CD244: variants seen among roughly 807,000 people sequenced by gnomAD.
CD244 encodes natural killer cell receptor 2B4.
A neutral mutation model predicts 45.5 loss-of-function variants in CD244; 20 were observed. The ratio of observed to expected loss-of-function variants is 0.44; its 90% CI spans 0.31 to 0.64. CD244 has a LOEUF of 0.64. CD244 is among the 30% of genes least tolerant of loss of function. The pLI is 0.08. For synonymous variants in CD244, 185 were observed against 160.5 expected (o/e 1.15, Z -1.15); for missense variants, 407 against 426.9 (o/e 0.95, Z 0.41).
intron 4 of CD244, 159 bp from the exon 5 acceptor site, chr1:160,838,677 G>A: frequency 1.5e-6 from 1 of 647,218 alleles, no homozygotes. Flanking sequence ...AGAGCACAGA[G>A]GCAGCAACCG....
At chr1:160,832,452 C>A (rs958265795) in intron 8 of CD244, 67 bp downstream of exon 8, 13 of 955,854 alleles carry the variant, frequency 1.4e-5, no homozygotes, top group Non-Finnish European at 2.1e-5. Context: ...TAAGTGTACC[C>A]TTTCATGGCT....
intron 1 of CD244, among the ~76,000 whole-genome samples, chr1:160,856,091 C>A: frequency 6.6e-6 from 1 of 152,194 alleles, no homozygotes; most frequent in East Asian, 1.9e-4. Context: ...TGCTACCAGG[C>A]TTGGGGTGAA....
At chr1:160,858,217 T>G (rs564146871) in intron 1 of CD244, among the ~76,000 whole-genome samples, 2 of 152,176 alleles carry the variant, frequency 1.3e-5, no homozygotes, top group East Asian at 3.9e-4. Flanking sequence ...CCATTCACCC[T>G]TTGTTGGAGG....
At chr1:160,847,760 GC>G (rs1669784730) in intron 1 of CD244, among the ~76,000 whole-genome samples, 1 of 151,996 alleles carries the variant, frequency 6.6e-6, no homozygotes, top group Non-Finnish European at 1.5e-5. Context: ...AGTCAATAAT[GC>G]AAGATTCAAT....
chr1:160,857,454 C>A (rs1670150978), intron 1 of CD244, among the ~76,000 whole-genome samples: 1 of 152,118 alleles, frequency 6.6e-6, no homozygotes, highest in South Asian at 2.1e-4. Flanking sequence ...TACTATACAG[C>A]CATGAAAATG....
Position 160,830,173 on chromosome 1 carries a change from T to C in CD244, c.*1174A>G, listed in dbSNP as rs1180241211. On this transcript the variant is annotated 3_prime_UTR_variant, in exon 9 of 9. Transcript: ENST00000368034. ...AAATGCAGGGTATGGAGAGGATACA[T>C]AAATTTAATTCAGGCAAGGAATTCA... 1 of 152,336 alleles carries C rather than the reference T, an allele frequency of 6.6e-6. No individual in the cohort carries two copies. The highest frequency in any genetic ancestry group is 2.4e-5 in the African/African-American group (1 of 41,432). The allele number at this position is 152,336 out of a possible 1,614,324, so 9.4% of individuals were successfully genotyped here.
chr1:160,848,342 T>A (rs1468608291), intron 1 of CD244: 2 of 591,220 alleles, frequency 3.4e-6, no homozygotes, highest in Non-Finnish European at 6.5e-6. Flanking sequence ...TAGTTCCCAG[T>A]TTTTCATCTA....
At chr1:160,855,573 TGCTACTAC>T (rs1670075584) in intron 1 of CD244, among the ~76,000 whole-genome samples, 1 of 152,150 alleles carries the variant, frequency 6.6e-6, no homozygotes, top group Non-Finnish European at 1.5e-5. Flanking sequence ...GGAGATGAAA[TGCTACTAC>T]GAAAACATAA....
At chr1:160,838,868 C>T (rs1325761998) in intron 4 of CD244, 71 bp downstream of exon 4, 2 of 1,014,526 alleles carry the variant, frequency 2.0e-6, no homozygotes, top group African/African-American at 1.6e-5. Context: ...ACACATCCCA[C>T]TGGACGCAGG....
At position 160,860,965 on chromosome 1, in the gene CD244, G is replaced by A. The variant is rs376300514; in HGVS notation, c.61+1652C>T. On this transcript the variant is annotated intron_variant, in intron 1 of 8. Transcript: ENST00000368034. ...CACTCACCAGCTTCACCGTGCAAGG[G>A]CCGGCATAGCCAAGCCCAGCTATGG... Among the ~76,000 whole-genome samples the A allele has an allele frequency of 3.9e-5, 6 of 152,322 alleles. No homozygotes were observed. The East Asian group carries it at 7.7e-4, about 20-fold the overall frequency.
At chr1:160,854,665 G>A (rs185668423) in intron 1 of CD244, among the ~76,000 whole-genome samples, 106 of 151,978 alleles carry the variant, frequency 7.0e-4, no homozygotes, top group African/African-American at 2.5e-3. Flanking sequence ...AAGTTCTGGC[G>A]TGAGCCACCA....
intron 1 of CD244, chr1:160,848,128 C>G: frequency 2.2e-6 from 1 of 444,554 alleles, no homozygotes; most frequent in South Asian, 1.8e-5. Flanking sequence ...GTGTTCTGAG[C>G]ACTAGAGAGA....
intron 1 of CD244, among the ~76,000 whole-genome samples, chr1:160,849,238 G>A (rs1242119193): frequency 6.6e-6 from 1 of 151,088 alleles, no homozygotes; most frequent in African/African-American, 2.4e-5. Flanking sequence ...TGGTTGGAGA[G>A]GTTTGTTCAA....
At position 160,862,747 on chromosome 1, in the gene CD244, A is replaced by G; in HGVS notation, c.-70T>C. 1 of 1,416,282 alleles carries G rather than the reference A, an allele frequency of 7.1e-7. No homozygotes were observed. Among genetic ancestry groups the G allele is most frequent in the Non-Finnish European group, 9.9e-7 (1 of 1,011,428 alleles). 87.7% of individuals were successfully genotyped at this position (1,416,282 alleles called of 1,614,324 possible). On this transcript the variant is annotated 5_prime_UTR_variant, in exon 1 of 9. Transcript: ENST00000368034. ...ACTCTCTGCCGTGCACGGGCTCAGC[A>G]GTCCCCAGTCAGCAAGAGGACGATG... is the stretch of plus-strand genomic sequence containing the variant.
At chr1:160,839,696 T>TA (rs1252995598) in intron 3 of CD244, among the ~76,000 whole-genome samples, 1 of 152,218 alleles carries the variant, frequency 6.6e-6, no homozygotes, top group African/African-American at 2.4e-5. Flanking sequence ...GCCAGGGACT[T>TA]AAACATTCGT....
rs149914624 is a variant in CD244 at position 160,862,653 on chromosome 1, T to C, written c.25A>G (p.Ile9Val). 1.2e-6 allele frequency: 2 copies of C among 1,614,046 alleles called. No individual in the cohort carries two copies. The highest frequency in any genetic ancestry group is 2.7e-5 in the African/African-American group (2 of 75,020). ...TACACCTTGAGGAGCAGGAGGAGTA[T>C]GAGGGTGACCACTTGCCCCAGCATT... Reference protein sequence around the residue: MLGQVVTLILLLLLKVYQG... With the variant: MLGQVVTLVLLLLLKVYQG... Residue 9 changes from isoleucine to valine, a missense_variant, in exon 1 of 9, where the codon ATA (isoleucine) becomes GTA (valine). By Grantham distance (29) the Ile-to-Val change is conservative. Transcript: ENST00000368034.
At chr1:160,836,972 CA>C (rs1571090078) in intron 5 of CD244, among the ~76,000 whole-genome samples, 1 of 152,210 alleles carries the variant, frequency 6.6e-6, no homozygotes, top group East Asian at 1.9e-4. Context: ...GCTGGGGAGT[CA>C]TGGGCATCTG....
chr1:160,841,645 G>A lies in CD244; in HGVS notation c.318C>T (p.Cys106=). 1.9e-6 allele frequency: 3 copies of A among 1,614,170 alleles called. No homozygotes were observed. Among genetic ancestry groups the A allele is most frequent in the Non-Finnish European group, 2.5e-6 (3 of 1,180,008 alleles). Residue 106 remains cysteine (C), a synonymous_variant, in exon 2 of 9, where the codon TGC becomes TGT. Coordinates refer to ENST00000368034, the MANE Select transcript of CD244 (RefSeq NM_016382.4). ...TTCCAGATATACTGGTGACCTCCAGGCAGTAGAGGCCACTGTCCTGCTGCT... is the reference window on the plus strand; with the variant it reads ...TTCCAGATATACTGGTGACCTCCAGACAGTAGAGGCCACTGTCCTGCTGCT... ...AAQQQDSGLY[C]LEVTSISGKV... is the part of the protein sequence containing the mutation.
At chr1:160,843,467 T>C (rs1472075645) in intron 1 of CD244, among the ~76,000 whole-genome samples, 2 of 152,164 alleles carry the variant, frequency 1.3e-5, no homozygotes, top group Non-Finnish European at 2.9e-5. Context: ...AATTATTCAG[T>C]CCTTACTGAG....
Sources: allele counts gnomAD v4.1 joint callset (sites outside exome capture counted in the v4.1 genomes callset), GRCh38; gene constraint gnomAD v4.1.1; transcripts MANE v1.5; gene names NCBI Gene and HGNC (gene_info 2026-07-23, HGNC 2026-07-21).